The following AGMO variants were observed in gnomAD, a reference collection of about 807,000 sequenced individuals.
AGMO encodes glyceryl-ether monooxygenase.
Under a neutral mutation model 60.2 loss-of-function variants are expected in AGMO, and 75 were observed. The ratio of observed to expected loss-of-function variants is 1.25; its 90% CI spans 1.03 to 1.51. AGMO has a LOEUF of 1.51. Ranked by LOEUF, AGMO falls within the 40% of genes most tolerant of loss-of-function variation. The pLI is 0.00. For synonymous variants in AGMO, 261 were observed against 177.1 expected, an observed-to-expected ratio of 1.47 and a Z score of -3.76; for missense variants, 763 against 525.5, an observed-to-expected ratio of 1.45 and a Z score of -4.42.
chr7:15,250,780 C>A lies in AGMO; in HGVS notation c.1264-49421G>T, dbSNP rs373673687. 7.9e-5 allele frequency among the ~76,000 whole-genome samples: 12 copies of A among 151,974 alleles called. No individual in the cohort carries two copies. In the East Asian group the frequency reaches 2.3e-3, roughly 30 times the overall value. On this transcript the variant is annotated intron_variant, in intron 12 of 12. Transcript: ENST00000342526. ...CAGTAGAGGTGAAACCCCATCTCTA[C>A]TAAAAATGCAAAAAATGAGACCGGC... is the stretch of plus-strand genomic sequence containing the variant.
chr7:15,287,796 A>G (rs559590864), intron 12 of AGMO, among the ~76,000 whole-genome samples: 4 of 151,318 alleles, frequency 2.6e-5, no homozygotes, highest in South Asian at 2.1e-4. Flanking sequence ...TTTTTTTTGT[A>G]TGATAAATCT....
chr7:15,344,451 G>C (rs1459657516), intron 12 of AGMO, among the ~76,000 whole-genome samples: 1 of 152,154 alleles, frequency 6.6e-6, no homozygotes, highest in Non-Finnish European at 1.5e-5. Context: ...TGTAATGCCA[G>C]CACTTTGGGA....
At chr7:15,494,849 C>T (rs1783180427) in intron 3 of AGMO, among the ~76,000 whole-genome samples, 2 of 152,204 alleles carry the variant, frequency 1.3e-5, no homozygotes, top group African/African-American at 2.4e-5. Flanking sequence ...GCTTCTCTCT[C>T]GCAAGCCTGT....
intron 3 of AGMO, among the ~76,000 whole-genome samples, chr7:15,518,371 A>T (rs1289645316): frequency 6.6e-6 from 1 of 152,074 alleles, no homozygotes; most frequent in Non-Finnish European, 1.5e-5. Flanking sequence ...ATGCCTCCTG[A>T]CTGGGAGACA....
chr7:15,238,093 C>A (rs1476570153), intron 12 of AGMO, among the ~76,000 whole-genome samples: 1 of 151,734 alleles, frequency 6.6e-6, no homozygotes, highest in Non-Finnish European at 1.5e-5. Flanking sequence ...GCATTTAAAC[C>A]CACTTGCTTT....
chr7:15,428,476 T>G (rs1219199851), intron 4 of AGMO, among the ~76,000 whole-genome samples: 3 of 152,152 alleles, frequency 2.0e-5, no homozygotes, highest in Admixed American at 6.5e-5. Context: ...ATAAAACAAG[T>G]GTGAGTCTCA....
chr7:15,255,852 G>T (rs1309578157), intron 12 of AGMO, among the ~76,000 whole-genome samples: 1 of 152,204 alleles, frequency 6.6e-6, no homozygotes, highest in East Asian at 1.9e-4. Flanking sequence ...TGGCCAGGTT[G>T]TGGTTTTGTA....
chr7:15,204,594 G>T (rs1781392071), intron 12 of AGMO, among the ~76,000 whole-genome samples: 1 of 152,168 alleles, frequency 6.6e-6, no homozygotes, highest in African/African-American at 2.4e-5. Flanking sequence ...ATATAAAGCA[G>T]AGGAAGTTCA....
At chr7:15,547,510 G>C (rs1389609309) in intron 2 of AGMO, among the ~76,000 whole-genome samples, 1 of 152,144 alleles carries the variant, frequency 6.6e-6, no homozygotes, top group Non-Finnish European at 1.5e-5. Context: ...CTCGGGAAGC[G>C]CAAGGGGTCA....
chr7:15,273,888 T>C (rs112907061), intron 12 of AGMO, among the ~76,000 whole-genome samples: 1 of 152,220 alleles, frequency 6.6e-6, no homozygotes, highest in Non-Finnish European at 1.5e-5. Context: ...GAAGCAATTG[T>C]GAATGGGAGT....
intron 5 of AGMO, among the ~76,000 whole-genome samples, chr7:15,406,357 T>A (rs1011235560): frequency 6.9e-6 from 1 of 145,750 alleles, no homozygotes. Flanking sequence ...TGTATATATA[T>A]GTATATACAC....
chr7:15,159,431 C>T, the AGMO span, among the ~76,000 whole-genome samples: 13 of 152,170 alleles, frequency 8.5e-5, no homozygotes, highest in Non-Finnish European at 1.9e-4. Context: ...TCTGTTTCTT[C>T]TCACTGCATG....
At chr7:15,527,262 T>C (rs1387214641) in intron 3 of AGMO, among the ~76,000 whole-genome samples, 4 of 152,160 alleles carry the variant, frequency 2.6e-5, no homozygotes, top group Non-Finnish European at 5.9e-5. Flanking sequence ...AAAGAAGTTC[T>C]TGAAAAAAAT....
In AGMO at chr7:15,247,431, C is replaced by T. The variant is rs1035227535; in HGVS notation, c.1264-46072G>A. On this transcript the variant is annotated intron_variant, in intron 12 of 12. Coordinates refer to ENST00000342526, the MANE Select transcript of AGMO (RefSeq NM_001004320.2). ...TGGAGATTTCACACACACACACACA[C>T]ACACACACACACACACACACACACA... Among the ~76,000 whole-genome samples, 266 of 134,870 alleles carry T rather than the reference C, an allele frequency of 2.0e-3. 1 individual carries two copies. The highest frequency in any genetic ancestry group is 3.4e-3 in the Admixed American group (44 of 12,782). 88.5% of individuals were successfully genotyped at this position (134,870 alleles called of 152,430 possible). A position where few individuals can be genotyped will look rare whatever the true frequency, so the allele number is the denominator to read the frequency against.
chr7:15,487,936 C>T (rs1782965002), intron 3 of AGMO, among the ~76,000 whole-genome samples: 1 of 152,028 alleles, frequency 6.6e-6, no homozygotes, highest in South Asian at 2.1e-4. Flanking sequence ...TAATCTAACA[C>T]AGTCAAAAAT....
chr7:15,501,059 A>T (rs1410668539), intron 3 of AGMO, among the ~76,000 whole-genome samples: 13 of 151,824 alleles, frequency 8.6e-5, no homozygotes, highest in Non-Finnish European at 1.9e-4. Context: ...GGTTGGTATG[A>T]TTTTATTCTT....
chr7:15,149,616 T>G, the AGMO span, among the ~76,000 whole-genome samples: 2 of 152,178 alleles, frequency 1.3e-5, no homozygotes, highest in Non-Finnish European at 2.9e-5. Flanking sequence ...AAAGATCAGA[T>G]AGTTGTAAAT....
intron 12 of AGMO, among the ~76,000 whole-genome samples, chr7:15,226,361 C>T (rs1257723744): frequency 6.6e-6 from 1 of 152,036 alleles, no homozygotes; most frequent in African/African-American, 2.4e-5. Context: ...TCAGACATGA[C>T]CTTAGAAAAG....
At chr7:15,422,338 A>G (rs1780948343) in intron 4 of AGMO, among the ~76,000 whole-genome samples, 1 of 152,172 alleles carries the variant, frequency 6.6e-6, no homozygotes, top group South Asian at 2.1e-4. Context: ...AGCCAGTTGA[A>G]AGGAAGAGGG....
Sources: allele counts gnomAD v4.1 joint callset (sites outside exome capture counted in the v4.1 genomes callset), GRCh38; gene constraint gnomAD v4.1.1; transcripts MANE v1.5; gene names NCBI Gene and HGNC (gene_info 2026-07-23, HGNC 2026-07-21).